The following CTNND2 variants were observed in gnomAD, a reference collection of about 807,000 sequenced individuals.
The protein encoded by CTNND2 is catenin delta 2.
Under a neutral mutation model 144.4 loss-of-function variants are expected in CTNND2, and 22 were observed. The ratio of observed to expected loss-of-function variants is 0.15; its 90% CI spans 0.11 to 0.22. The LOEUF is 0.22. Among genes scored for constraint, CTNND2 ranks in the 10% least tolerant of loss-of-function variants. The probability of loss-of-function intolerance (pLI) is 1.00; values close to 1 mark genes in which losing one functional copy is unlikely to be tolerated. For synonymous variants in CTNND2, 751 were observed against 695.6 expected (o/e 1.08, Z -1.25); for missense variants, 1,353 against 1,618.8 (o/e 0.84, Z 2.82).
rs1485378542 is a variant in CTNND2, at chr5:11,006,577, C to G, written c.3084+11397G>C. The stretch of plus-strand genomic sequence containing the variant: ...ATTAGATGTTTAGGTCTGCGTGTTA[C>G]AGTGGGGAGCCCTCCCTAAGTCACA... On this transcript the variant is annotated intron_variant, in intron 18 of 21. Coordinates refer to ENST00000304623, the MANE Select transcript of CTNND2 (RefSeq NM_001332.4). Among the ~76,000 whole-genome samples the G allele has an allele frequency of 2.6e-5, 4 of 152,196 alleles. No individual in the cohort carries two copies. In the East Asian group the frequency reaches 7.7e-4, roughly 29 times the overall value.
chr5:11,294,998 A>G (rs1748756113), intron 9 of CTNND2, among the ~76,000 whole-genome samples: 1 of 152,160 alleles, frequency 6.6e-6, no homozygotes, highest in African/African-American at 2.4e-5. Flanking sequence ...CAGGCAGGAG[A>G]AGGAAATAAA....
intron 1 of CTNND2, among the ~76,000 whole-genome samples, chr5:11,766,417 G>T (rs1219045675): frequency 6.6e-6 from 1 of 152,144 alleles, no homozygotes; most frequent in African/African-American, 2.4e-5. Context: ...TTCCCGTGCT[G>T]TTCTCTTGAA....
intron 9 of CTNND2, among the ~76,000 whole-genome samples, chr5:11,319,518 T>C (rs529413791): frequency 6.6e-6 from 1 of 152,294 alleles, no homozygotes; most frequent in South Asian, 2.1e-4. Context: ...TTTATTCGTT[T>C]ATTTTTATTT....
At chr5:11,258,978 T>C (rs1426920965) in intron 9 of CTNND2, among the ~76,000 whole-genome samples, 3 of 152,216 alleles carry the variant, frequency 2.0e-5, no homozygotes, top group Non-Finnish European at 2.9e-5. Context: ...TCATGCTCTG[T>C]TTGGCTAGGC....
At position 11,687,247 on chromosome 5, in the gene CTNND2, T is replaced by G. The variant is rs568862116; in HGVS notation, c.174+44889A>C. On this transcript the variant is annotated intron_variant, in intron 2 of 21. Transcript: ENST00000304623. Reference sequence around the variant, plus strand: ...TGTCATACAATCTCATCCCTGACCTTTGACATTCTTCAATGACTGTCACAT... The same window carrying G: ...TGTCATACAATCTCATCCCTGACCTGTGACATTCTTCAATGACTGTCACAT... Among the ~76,000 whole-genome samples, 4 of 152,358 alleles carry G rather than the reference T, an allele frequency of 2.6e-5. No individual in the cohort carries two copies. In the South Asian group the frequency reaches 8.3e-4, roughly 32 times the overall value.
At chr5:11,580,525 A>T (rs1778344429) in intron 2 of CTNND2, among the ~76,000 whole-genome samples, 1 of 152,236 alleles carries the variant, frequency 6.6e-6, no homozygotes, top group African/African-American at 2.4e-5. Context: ...TTACATATCC[A>T]AATCTGATCT....
intron 14 of CTNND2, among the ~76,000 whole-genome samples, chr5:11,109,726 AT>A (rs935080297): frequency 1.4e-5 from 2 of 144,600 alleles, no homozygotes; most frequent in African/African-American, 2.5e-5. Context: ...TATGAACATT[AT>A]TTTTTAAAGG....
At chr5:11,760,275 C>T (rs1274964198) in intron 1 of CTNND2, among the ~76,000 whole-genome samples, 1 of 152,042 alleles carries the variant, frequency 6.6e-6, no homozygotes, top group East Asian at 1.9e-4. Context: ...TTCCACAATC[C>T]TTGTTACCCA....
intron 9 of CTNND2, among the ~76,000 whole-genome samples, chr5:11,298,867 A>G (rs1160544444): frequency 1.3e-5 from 2 of 152,232 alleles, no homozygotes; most frequent in Non-Finnish European, 2.9e-5. Flanking sequence ...ATAGTACCTC[A>G]GAGGGTTTTT....
intron 1 of CTNND2, among the ~76,000 whole-genome samples, chr5:11,762,343 G>A (rs1227491585): frequency 6.6e-6 from 1 of 152,108 alleles, no homozygotes; most frequent in Non-Finnish European, 1.5e-5. Context: ...TAATAGAGCA[G>A]AGAATAGAAA....
At chr5:11,215,485 T>C (rs1330607555) in intron 10 of CTNND2, among the ~76,000 whole-genome samples, 1 of 152,226 alleles carries the variant, frequency 6.6e-6, no homozygotes, top group Non-Finnish European at 1.5e-5. Context: ...TTGTTTTCTT[T>C]AATGCAAAAA....
chr5:11,443,404 G>T, intron 3 of CTNND2, among the ~76,000 whole-genome samples: 1 of 48,930 alleles, frequency 2.0e-5, no homozygotes, highest in East Asian at 7.5e-4. Context: ...GTGTGTGTGT[G>T]GGGGGGGTGT....
At chr5:11,284,746 C>T (rs1343476442) in intron 9 of CTNND2, among the ~76,000 whole-genome samples, 1 of 152,152 alleles carries the variant, frequency 6.6e-6, no homozygotes, top group African/African-American at 2.4e-5. Context: ...GTCTTTATAA[C>T]AGAATGATTT....
At chr5:11,641,572 G>GTGTGTATGTATA (rs1782006247) in intron 2 of CTNND2, among the ~76,000 whole-genome samples, 1 of 137,828 alleles carries the variant, frequency 7.3e-6, no homozygotes, top group Admixed American at 6.9e-5. Context: ...ATACATATAC[G>GTGTGTATGTATA]TGTGTATGTA....
chr5:11,737,100 T>C (rs989895277), intron 1 of CTNND2, among the ~76,000 whole-genome samples: 5 of 152,178 alleles, frequency 3.3e-5, no homozygotes, highest in Non-Finnish European at 7.4e-5. Flanking sequence ...AGCAGTAGAA[T>C]TGGTAAAATA....
At chr5:11,866,862 T>A (rs1461572174) in intron 1 of CTNND2, among the ~76,000 whole-genome samples, 2 of 152,214 alleles carry the variant, frequency 1.3e-5, no homozygotes, top group African/African-American at 4.8e-5. Context: ...TCCCAATCAA[T>A]ACATGATTCT....
chr5:11,031,103 C>A (rs1296970563), intron 16 of CTNND2, among the ~76,000 whole-genome samples: 1 of 151,984 alleles, frequency 6.6e-6, no homozygotes, highest in African/African-American at 2.4e-5. Context: ...GACTGGCTCC[C>A]AAAAAGGGAA....
intron 3 of CTNND2, among the ~76,000 whole-genome samples, chr5:11,516,322 C>T (rs1052695875): frequency 5.3e-5 from 8 of 151,298 alleles, no homozygotes; most frequent in East Asian, 3.9e-4. Context: ...AAGTCCTGGA[C>T]GAGGCAATTA....
intron 1 of CTNND2, among the ~76,000 whole-genome samples, chr5:11,863,834 T>C (rs1377687172): frequency 6.6e-6 from 1 of 152,112 alleles, no homozygotes; most frequent in African/African-American, 2.4e-5. Context: ...AAAGAGATGG[T>C]TTTACACCTC....
Sources: allele counts gnomAD v4.1 joint callset (sites outside exome capture counted in the v4.1 genomes callset), GRCh38; gene constraint gnomAD v4.1.1; transcripts MANE v1.5; gene names NCBI Gene and HGNC (gene_info 2026-07-23, HGNC 2026-07-21).